TNFRSF19: variants seen among roughly 807,000 people sequenced by gnomAD.
TNFRSF19 encodes the protein tumor necrosis factor receptor superfamily member 19.
TNFRSF19 carries 27 observed loss-of-function variants against 46.4 expected under a neutral mutation model. The observed-to-expected ratio is 0.58, with a 90% CI of 0.43 to 0.80. The LOEUF is 0.80. Ranked by LOEUF, TNFRSF19 falls within the 30% of genes least tolerant of loss-of-function variation. TNFRSF19 has a pLI of 0.00. For synonymous variants in TNFRSF19, 204 were observed against 205.0 expected, an observed-to-expected ratio of 1.00 and a Z score of 0.04; for missense variants, 511 against 530.8, an observed-to-expected ratio of 0.96 and a Z score of 0.37.
At chr13:23,629,900 T>A (rs1405886110) in intron 5 of TNFRSF19, among the ~76,000 whole-genome samples, 1 of 152,092 alleles carries the variant, frequency 6.6e-6, no homozygotes, top group Non-Finnish European at 1.5e-5. Flanking sequence ...ACGGGGAGGA[T>A]CTCATGGTGC....
In TNFRSF19 at chr13:23,642,020, T is replaced by C. The variant is rs545608692; in HGVS notation, c.445+15228T>C. On this transcript the variant is annotated intron_variant, in intron 5 of 9. Transcript: ENST00000248484. Reference sequence around the variant, plus strand: ...TTACTGAATACTGTATCATACACTATGTCAAAATTGCAATGGTTTCACGCC... The same window carrying C: ...TTACTGAATACTGTATCATACACTACGTCAAAATTGCAATGGTTTCACGCC... Among the ~76,000 whole-genome samples the C allele has an allele frequency of 3.0e-3, 452 of 152,322 alleles. 1 individual carries two copies. Among genetic ancestry groups the C allele is most frequent in the Middle Eastern group, 6.8e-3 (2 of 294 alleles).
chr13:23,658,697 C>T (rs780566498), intron 5 of TNFRSF19, among the ~76,000 whole-genome samples: 21 of 152,222 alleles, frequency 1.4e-4, no homozygotes, highest in Non-Finnish European at 2.9e-4. Flanking sequence ...TTCCCTGCCA[C>T]ATGCCAAGTA....
rs550374525 is a variant in TNFRSF19 at position 23,659,698 on chromosome 13, G to A, written c.610+484G>A. Among the ~76,000 whole-genome samples, 97 of 152,104 alleles carry A rather than the reference G, an allele frequency of 6.4e-4. No homozygotes were observed. The highest frequency in any genetic ancestry group is 2.3e-3 in the African/African-American group (97 of 41,474). On this transcript the variant is annotated intron_variant, in intron 6 of 9. Transcript: ENST00000248484. This position sits in a 1 kb window ranked among gnomAD's most constrained non-coding sequence, Gnocchi z 4.9. Reference sequence around the variant, plus strand: ...ATTTTTGTATTTTTAGTAGAAACGGGGTTTCACCATGTTGGCCAGGCTGGT... The same window carrying A: ...ATTTTTGTATTTTTAGTAGAAACGGAGTTTCACCATGTTGGCCAGGCTGGT...
chr13:23,622,255 A>G (rs1426522312), intron 4 of TNFRSF19, among the ~76,000 whole-genome samples: 1 of 122,662 alleles, frequency 8.2e-6, no homozygotes, highest in East Asian at 2.4e-4. Flanking sequence ...TGCAAAAAAC[A>G]AAATTAGCTG....
At chr13:23,603,983 A>T (rs780544533) in intron 3 of TNFRSF19, among the ~76,000 whole-genome samples, 4 of 151,998 alleles carry the variant, frequency 2.6e-5, no homozygotes. Context: ...GCATCATACA[A>T]GAAATCCTAC....
chr13:23,623,981 C>T (rs979846275), intron 4 of TNFRSF19, among the ~76,000 whole-genome samples: 3 of 152,026 alleles, frequency 2.0e-5, no homozygotes, highest in Admixed American at 6.6e-5. Context: ...AATTTTTTCT[C>T]TTGTTTCCTA....
intron 5 of TNFRSF19, among the ~76,000 whole-genome samples, chr13:23,640,228 C>T (rs1003260870): frequency 1.3e-5 from 2 of 152,034 alleles, no homozygotes; most frequent in African/African-American, 4.8e-5. Flanking sequence ...GAACCAGTCC[C>T]GTATCTCCAC....
At chr13:23,610,802 TATA>T (rs1342437757) in intron 3 of TNFRSF19, among the ~76,000 whole-genome samples, 1 of 152,110 alleles carries the variant, frequency 6.6e-6, no homozygotes, top group African/African-American at 2.4e-5. Flanking sequence ...GTAGGGGCCC[TATA>T]ATAATGCCTT....
At chr13:23,647,350 T>C (rs139922107) in intron 5 of TNFRSF19, among the ~76,000 whole-genome samples, 2,821 of 152,312 alleles carry the variant, frequency 0.019, 26 homozygotes, top group African/African-American at 0.025. Context: ...TAAGAAACCA[T>C]TCCAAGCCCA....
At chr13:23,628,909 A>G (rs1278442173) in intron 5 of TNFRSF19, among the ~76,000 whole-genome samples, 1 of 152,194 alleles carries the variant, frequency 6.6e-6, no homozygotes, top group Non-Finnish European at 1.5e-5. Flanking sequence ...ACAAAGCAAG[A>G]CAGGCTGGTA....
chr13:23,611,195 G>A (rs1880891970), intron 3 of TNFRSF19, among the ~76,000 whole-genome samples: 1 of 151,842 alleles, frequency 6.6e-6, no homozygotes, highest in African/African-American at 2.4e-5. Context: ...AGTGCAACTT[G>A]GAAAGTGTCA....
chr13:23,651,893 TAAAAAAAAAAAAAA>T (rs34023907), intron 5 of TNFRSF19, among the ~76,000 whole-genome samples: 39 of 9,972 alleles, frequency 3.9e-3, no homozygotes, highest in South Asian at 0.019. Context: ...CATAACATGC[TAAAAAAAAAAAAAA>T]AAAAAAAAAG....
At chr13:23,651,885 T>A (rs370263540) in intron 5 of TNFRSF19, among the ~76,000 whole-genome samples, 229 of 3,988 alleles carry the variant, frequency 0.057, no homozygotes, top group Non-Finnish European at 0.065. Context: ...GGAAAGAACA[T>A]AACATGCTAA....
chr13:23,589,411 C>T (rs552233180), intron 1 of TNFRSF19, among the ~76,000 whole-genome samples: 1 of 152,302 alleles, frequency 6.6e-6, no homozygotes, highest in Non-Finnish European at 1.5e-5. Context: ...ACATACTTTG[C>T]TCTATTCTGG....
intron 1 of TNFRSF19, among the ~76,000 whole-genome samples, chr13:23,574,018 C>T (rs1218670028): frequency 1.4e-5 from 2 of 145,294 alleles, no homozygotes; most frequent in Admixed American, 1.4e-4. Flanking sequence ...GCCGAGATGG[C>T]GCCACTGCAC....
chr13:23,619,116 C>G (rs1228141342), intron 4 of TNFRSF19, among the ~76,000 whole-genome samples: 1 of 152,192 alleles, frequency 6.6e-6, no homozygotes, highest in African/African-American at 2.4e-5. Flanking sequence ...ACAAAACCGA[C>G]TAAGACAAAC....
At chr13:23,621,940 G>C (rs1593263489) in intron 4 of TNFRSF19, among the ~76,000 whole-genome samples, 1 of 152,066 alleles carries the variant, frequency 6.6e-6, no homozygotes, top group East Asian at 1.9e-4. Flanking sequence ...GACAGAGCGA[G>C]ACTGTCTCAA....
intron 1 of TNFRSF19, among the ~76,000 whole-genome samples, 196 bp from the exon 2 acceptor site, chr13:23,589,954 G>A (rs1161281860): frequency 6.6e-6 from 1 of 152,086 alleles, no homozygotes; most frequent in Non-Finnish European, 1.5e-5. Context: ...GGTAAACAGA[G>A]CTTCAATTCT....
At chr13:23,607,159 C>A (rs1185972497) in intron 3 of TNFRSF19, among the ~76,000 whole-genome samples, 1 of 152,094 alleles carries the variant, frequency 6.6e-6, no homozygotes, top group African/African-American at 2.4e-5. Flanking sequence ...TTGGGCCAGG[C>A]ACAGTGGCTC....
Sources: allele counts gnomAD v4.1 joint callset (sites outside exome capture counted in the v4.1 genomes callset), GRCh38; gene constraint gnomAD v4.1.1; non-coding constraint Gnocchi (gnomAD v3.1); transcripts MANE v1.5; gene names NCBI Gene and HGNC (gene_info 2026-07-23, HGNC 2026-07-21).